Variants in PDGFD observed in about 807,000 individuals in gnomAD.
PDGFD encodes the protein platelet-derived growth factor D.
PDGFD carries 30 observed loss-of-function variants against 44.7 expected under a neutral mutation model. That is an observed-to-expected ratio of 0.67 (90% confidence interval 0.50 to 0.91). The LOEUF (loss-of-function observed/expected upper bound fraction) is 0.91. Among genes scored for constraint, PDGFD ranks in the 40% least tolerant of loss-of-function variants. PDGFD has a pLI of 0.00. For synonymous variants in PDGFD, 173 were observed against 168.4 expected (o/e 1.03, Z -0.21); for missense variants, 445 against 457.8 (o/e 0.97, Z 0.25).
At chr11:103,931,523 A>C (rs1055256342) in intron 5 of PDGFD, among the ~76,000 whole-genome samples, 1 of 152,148 alleles carries the variant, frequency 6.6e-6, no homozygotes, top group Non-Finnish European at 1.5e-5. Context: ...TCATCCACAG[A>C]CTGTCAGAGA....
At chr11:103,915,092 G>T (rs549281378) in intron 6 of PDGFD, among the ~76,000 whole-genome samples, 33 of 152,092 alleles carry the variant, frequency 2.2e-4, no homozygotes, top group Non-Finnish European at 4.1e-4. Context: ...GGAAGTTCTG[G>T]CCAGGGCAAT....
At chr11:104,057,642 A>G (rs945596752) in intron 1 of PDGFD, among the ~76,000 whole-genome samples, 4 of 152,212 alleles carry the variant, frequency 2.6e-5, no homozygotes, top group African/African-American at 9.6e-5. Flanking sequence ...ACACCCAGGT[A>G]ATATACCTGC....
chr11:104,082,917 C>A (rs1388765587), intron 1 of PDGFD, among the ~76,000 whole-genome samples: 2 of 152,152 alleles, frequency 1.3e-5, no homozygotes, highest in Non-Finnish European at 2.9e-5. Context: ...CTACTTGTGG[C>A]CACAAATAAG....
chr11:104,131,456 T>C (rs10895581), intron 1 of PDGFD, among the ~76,000 whole-genome samples: 28,409 of 152,110 alleles, frequency 0.19, 2,768 homozygotes, highest in Middle Eastern at 0.29. Flanking sequence ...ATCAGTTAAA[T>C]AAGCTAACTT....
At chr11:104,018,316 A>C (rs899187299) in intron 1 of PDGFD, among the ~76,000 whole-genome samples, 12 of 152,248 alleles carry the variant, frequency 7.9e-5, no homozygotes, top group African/African-American at 2.7e-4. Flanking sequence ...CTGTGCACTT[A>C]CATATCAGTA....
At chr11:104,103,036 A>C (rs1861416985) in intron 1 of PDGFD, among the ~76,000 whole-genome samples, 1 of 152,040 alleles carries the variant, frequency 6.6e-6, no homozygotes, top group South Asian at 2.1e-4. Context: ...TATGTAACAA[A>C]CCTGCACGTT....
At chr11:103,951,637 C>T (rs1163933626) in intron 3 of PDGFD, among the ~76,000 whole-genome samples, 2 of 152,142 alleles carry the variant, frequency 1.3e-5, no homozygotes, top group African/African-American at 2.4e-5. Flanking sequence ...CTGCAAATAA[C>T]ACGACAAGCC....
Position 103,927,593 on chromosome 11 carries a change from G to A in PDGFD, c.773-467C>T, listed in dbSNP as rs555745252. ...ACCACTGTATTATATTTACCTGGCAGTGAAATTTCACACATAAATGTAATA... is the reference window on the plus strand; with the variant it reads ...ACCACTGTATTATATTTACCTGGCAATGAAATTTCACACATAAATGTAATA... On this transcript the variant is annotated intron_variant, in intron 5 of 6. Coordinates refer to ENST00000393158, the MANE Select transcript of PDGFD (RefSeq NM_025208.5). Among the ~76,000 whole-genome samples the A allele has an allele frequency of 4.6e-5, 7 of 152,282 alleles. No homozygotes were observed. In the East Asian group the frequency reaches 1.2e-3, roughly 25 times the overall value.
chr11:104,154,990 T>A (rs909907745), intron 1 of PDGFD, among the ~76,000 whole-genome samples: 23 of 152,338 alleles, frequency 1.5e-4, no homozygotes, highest in African/African-American at 5.5e-4. Flanking sequence ...TTGATAGATG[T>A]GTTTTCTATG....
intron 1 of PDGFD, among the ~76,000 whole-genome samples, chr11:104,089,216 T>G (rs1861176362): frequency 6.6e-6 from 1 of 152,164 alleles, no homozygotes; most frequent in African/African-American, 2.4e-5. Context: ...AGGTGATAAA[T>G]ATCAGGGTTC....
intron 5 of PDGFD, among the ~76,000 whole-genome samples, chr11:103,941,707 A>AG (rs1475671236): frequency 3.3e-5 from 5 of 152,012 alleles, no homozygotes; most frequent in East Asian, 1.9e-4. Flanking sequence ...CACAATTTCT[A>AG]GGGGGAAAAA....
chr11:104,032,891 G>T (rs563786139), intron 1 of PDGFD, among the ~76,000 whole-genome samples: 1 of 151,798 alleles, frequency 6.6e-6, no homozygotes, highest in Non-Finnish European at 1.5e-5. Context: ...TACTTACTAA[G>T]GGAGAAAAGT....
At chr11:104,069,559 G>A (rs1019812538) in intron 1 of PDGFD, among the ~76,000 whole-genome samples, 1 of 152,130 alleles carries the variant, frequency 6.6e-6, no homozygotes, top group Non-Finnish European at 1.5e-5. Context: ...TTATTAATAT[G>A]ATGGCTAAAA....
intron 1 of PDGFD, among the ~76,000 whole-genome samples, chr11:104,061,477 A>C (rs1240477874): frequency 1.3e-5 from 2 of 152,212 alleles, no homozygotes. Context: ...CAGATGCCCT[A>C]ATTTTAAAAG....
At chr11:104,139,340 G>T (rs112677442) in intron 1 of PDGFD, among the ~76,000 whole-genome samples, 1 of 152,028 alleles carries the variant, frequency 6.6e-6, no homozygotes, top group African/African-American at 2.4e-5. Context: ...GGCTGCCGGG[G>T]ATATAACTTC....
At chr11:103,955,207 A>C (rs866968919) in intron 3 of PDGFD, among the ~76,000 whole-genome samples, 6 of 138,442 alleles carry the variant, frequency 4.3e-5, no homozygotes, top group Admixed American at 2.2e-4. Context: ...AAAAAAAAAA[A>C]AACAGTAATG....
At chr11:104,161,950 A>AGAGAGAGTGT (rs142168784) in intron 1 of PDGFD, among the ~76,000 whole-genome samples, 5,141 of 148,950 alleles carry the variant, frequency 0.035, 121 homozygotes, top group Non-Finnish European at 0.054. Flanking sequence ...AATCAAAGAG[A>AGAGAGAGTGT]GTGTGTGTGT....
rs189794583 is a variant in PDGFD at position 104,020,934 on chromosome 11, C to T, written c.125-20679G>A. On this transcript the variant is annotated intron_variant, in intron 1 of 6. Transcript: ENST00000393158. ...CTAGACAAGCTCTTAGATAATGCTA[C>T]TCAAAGTGCCTGTCTGCTGTATGAA... Among the ~76,000 whole-genome samples the T allele has an allele frequency of 2.1e-3, 319 of 152,248 alleles. 1 individual carries two copies. The highest frequency in any genetic ancestry group is 7.5e-3 in the African/African-American group (311 of 41,538).
chr11:103,935,804 C>T (rs564672414), intron 5 of PDGFD, among the ~76,000 whole-genome samples: 1 of 152,252 alleles, frequency 6.6e-6, no homozygotes, highest in East Asian at 1.9e-4. Context: ...CTAATCCTAA[C>T]ACAAATTTGC....
Sources: allele counts gnomAD v4.1 joint callset (sites outside exome capture counted in the v4.1 genomes callset), GRCh38; gene constraint gnomAD v4.1.1; transcripts MANE v1.5; gene names NCBI Gene and HGNC (gene_info 2026-07-23, HGNC 2026-07-21).